SSBP2: variants seen among roughly 807,000 people sequenced by gnomAD.
SSBP2 encodes single-stranded DNA-binding protein 2.
SSBP2 carries 17 observed loss-of-function variants against 61.8 expected under a neutral mutation model. The observed-to-expected ratio is 0.28, with a 90% CI of 0.19 to 0.41. The LOEUF (loss-of-function observed/expected upper bound fraction) is 0.41, where lower values mean the gene tolerates loss of function less well. Ranked by LOEUF, SSBP2 falls within the 10% of genes least tolerant of loss-of-function variation. The pLI, the probability that SSBP2 is intolerant of heterozygous loss-of-function variation, is 1.00. For missense variants in SSBP2, 310 were observed against 458.7 expected, an observed-to-expected ratio of 0.68 and a Z score of 2.96; for synonymous variants, 139 against 141.3, an observed-to-expected ratio of 0.98 and a Z score of 0.12.
chr5:81,597,161 C>T (rs375241734), intron 4 of SSBP2, among the ~76,000 whole-genome samples: 3 of 152,200 alleles, frequency 2.0e-5, no homozygotes, highest in Non-Finnish European at 4.4e-5. Flanking sequence ...AACAAATTTA[C>T]ATGAAAAAAC....
rs531828313 is a variant in SSBP2 at position 81,413,741 on chromosome 5, G to C, written c.*6763C>G. The C allele has an allele frequency of 6.6e-6, 1 of 151,842 alleles. No homozygotes were observed. The highest frequency in any genetic ancestry group is 1.5e-5 in the Non-Finnish European group (1 of 67,978). 9.4% of individuals were successfully genotyped at this position (151,842 alleles called of 1,614,324 possible). A position where few individuals can be genotyped will look rare whatever the true frequency, so the allele number is the denominator to read the frequency against. On this transcript the variant is annotated 3_prime_UTR_variant, in exon 17 of 17. Coordinates refer to ENST00000320672, the MANE Select transcript of SSBP2 (RefSeq NM_012446.5). ...AAGTATAAACACATTTCAATCAGTA[G>C]TTTATATTAAGAAGATTTCTAAGAT...
At chr5:81,515,333 G>A (rs770717243) in intron 4 of SSBP2, among the ~76,000 whole-genome samples, 1 of 151,820 alleles carries the variant, frequency 6.6e-6, no homozygotes, top group Non-Finnish European at 1.5e-5. Context: ...TATCACTATT[G>A]TTCTAATTAA....
At chr5:81,430,891 T>G (rs924727668) in intron 15 of SSBP2, among the ~76,000 whole-genome samples, 1 of 152,214 alleles carries the variant, frequency 6.6e-6, no homozygotes, top group Admixed American at 6.5e-5. Context: ...ACAATTGGGT[T>G]TTTTTGGTTT....
chr5:81,437,032 T>C (rs1003764774), intron 15 of SSBP2, among the ~76,000 whole-genome samples: 8 of 152,174 alleles, frequency 5.3e-5, no homozygotes, highest in African/African-American at 1.7e-4. Flanking sequence ...AATGCCTTTA[T>C]GATATATAAT....
intron 1 of SSBP2, among the ~76,000 whole-genome samples, chr5:81,732,813 T>TA (rs1326126986): frequency 2.0e-5 from 3 of 152,160 alleles, no homozygotes; most frequent in Non-Finnish European, 2.9e-5. Flanking sequence ...CATACTTTTT[T>TA]AAAAAAAGAT....
chr5:81,600,077 A>C (rs1744195278), intron 4 of SSBP2, among the ~76,000 whole-genome samples: 1 of 152,224 alleles, frequency 6.6e-6, no homozygotes, highest in Admixed American at 6.5e-5. Flanking sequence ...TTAAAGAAAA[A>C]GCAAATTTTT....
intron 4 of SSBP2, among the ~76,000 whole-genome samples, chr5:81,561,505 G>C (rs1185593020): frequency 6.6e-6 from 1 of 151,630 alleles, no homozygotes; most frequent in Non-Finnish European, 1.5e-5. Flanking sequence ...TATATTTTTT[G>C]TTAAAAATAA....
At chr5:81,453,316 C>T (rs1210672076) in intron 10 of SSBP2, among the ~76,000 whole-genome samples, 1 of 149,520 alleles carries the variant, frequency 6.7e-6, no homozygotes, top group African/African-American at 2.5e-5. Flanking sequence ...CCCCACCCCA[C>T]CAAAAAAAAG....
Position 81,419,875 on chromosome 5 carries a change from T to C in SSBP2, c.*629A>G, listed in dbSNP as rs1480481225. 1 of 152,250 alleles carries C rather than the reference T, an allele frequency of 6.6e-6. No individual in the cohort carries two copies. Among genetic ancestry groups the C allele is most frequent in the East Asian group, 1.9e-4 (1 of 5,202 alleles). The allele number at this position is 152,250 out of a possible 1,614,324, so 9.4% of individuals were successfully genotyped here. A position where few individuals can be genotyped will look rare whatever the true frequency, so the allele number is the denominator to read the frequency against. On this transcript the variant is annotated 3_prime_UTR_variant, in exon 17 of 17. Coordinates refer to ENST00000320672, the MANE Select transcript of SSBP2 (RefSeq NM_012446.5). Reference sequence around the variant, plus strand: ...ACATAAAGACGAAGACACATTTTCTTCTATTTTTTGAGACAGTACACTTTG... The same window carrying C: ...ACATAAAGACGAAGACACATTTTCTCCTATTTTTTGAGACAGTACACTTTG...
chr5:81,421,550 A>G (rs1761614104), intron 16 of SSBP2, among the ~76,000 whole-genome samples: 1 of 152,166 alleles, frequency 6.6e-6, no homozygotes, highest in Non-Finnish European at 1.5e-5. Context: ...TCATTGTTAC[A>G]TGCGGACTTG....
intron 2 of SSBP2, among the ~76,000 whole-genome samples, chr5:81,643,143 G>T (rs930521959): frequency 6.6e-6 from 1 of 152,124 alleles, no homozygotes; most frequent in African/African-American, 2.4e-5. Flanking sequence ...GAAGCTTCCT[G>T]CCTCTGGCTC....
chr5:81,697,916 T>C (rs1015424559), intron 1 of SSBP2, among the ~76,000 whole-genome samples: 1 of 152,206 alleles, frequency 6.6e-6, no homozygotes, highest in Admixed American at 6.5e-5. Flanking sequence ...AGTATAATTA[T>C]CTGCCTCTAT....
At chr5:81,636,848 C>G (rs1340013539) in intron 2 of SSBP2, among the ~76,000 whole-genome samples, 1 of 152,142 alleles carries the variant, frequency 6.6e-6, no homozygotes, top group African/African-American at 2.4e-5. Flanking sequence ...CATACTGTGC[C>G]AGTTATAAAG....
At chr5:81,748,075 T>C (rs1316035826) in intron 1 of SSBP2, among the ~76,000 whole-genome samples, 1 of 152,124 alleles carries the variant, frequency 6.6e-6, no homozygotes, top group African/African-American at 2.4e-5. Context: ...GACTTCCTAA[T>C]GAAAGACAAA....
intron 1 of SSBP2, among the ~76,000 whole-genome samples, chr5:81,665,303 G>C (rs1751019572): frequency 6.6e-6 from 1 of 152,050 alleles, no homozygotes; most frequent in Non-Finnish European, 1.5e-5. Context: ...GAAGGTAGAG[G>C]GCTATGGAAG....
In SSBP2 at chr5:81,440,469, TG is replaced by T; in HGVS notation, c.928+88del. 1.9e-6 allele frequency: 2 copies of T among 1,067,380 alleles called. 1 individual carries two copies. Among genetic ancestry groups the T allele is most frequent in the South Asian group, 2.9e-5 (2 of 70,014 alleles). The allele number at this position is 1,067,380 out of a possible 1,614,324, so 66.1% of individuals were successfully genotyped here. A position where few individuals can be genotyped will look rare whatever the true frequency, so the allele number is the denominator to read the frequency against. On this transcript the variant is annotated intron_variant, in intron 14 of 16. Transcript: ENST00000320672. Reference sequence around the variant, plus strand: ...GTATTTAAAAATGAGTAGCTGGCTATGGAAGAACTTTGGAAACTGTAATATG... The same window carrying T: ...GTATTTAAAAATGAGTAGCTGGCTATGAAGAACTTTGGAAACTGTAATATG...
chr5:81,565,583 C>T (rs1001076115), intron 4 of SSBP2, among the ~76,000 whole-genome samples: 3 of 152,106 alleles, frequency 2.0e-5, no homozygotes, highest in Admixed American at 6.5e-5. Flanking sequence ...TCTATGTTCC[C>T]ATGACACGGT....
intron 4 of SSBP2, among the ~76,000 whole-genome samples, chr5:81,562,639 CCTAAAGGACATCATTAT>C (rs1280237779): frequency 6.6e-6 from 1 of 151,924 alleles, no homozygotes; most frequent in Non-Finnish European, 1.5e-5. Flanking sequence ...TTTTTGAAAT[CCTAAAGGACATCATTAT>C]CTACATATAA....
intron 3 of SSBP2, among the ~76,000 whole-genome samples, chr5:81,616,776 T>A (rs1346754212): frequency 1.3e-5 from 2 of 151,366 alleles, no homozygotes; most frequent in Non-Finnish European, 2.9e-5. Context: ...GACTGCCTCC[T>A]CAAGTGGGTC....
Sources: allele counts gnomAD v4.1 joint callset (sites outside exome capture counted in the v4.1 genomes callset), GRCh38; gene constraint gnomAD v4.1.1; transcripts MANE v1.5; gene names NCBI Gene and HGNC (gene_info 2026-07-23, HGNC 2026-07-21).